SLC22A25: variants seen among roughly 807,000 people sequenced by gnomAD.
SLC22A25 encodes the protein solute carrier family 22 member 25.
Under a neutral mutation model 45.9 loss-of-function variants are expected in SLC22A25, and 44 were observed. The ratio of observed to expected loss-of-function variants is 0.96; its 90% CI spans 0.75 to 1.23. The LOEUF (loss-of-function observed/expected upper bound fraction) is 1.23. SLC22A25 is among the 50% of genes most tolerant of loss of function. The pLI is 0.00. For missense variants in SLC22A25, 800 were observed against 666.4 expected (o/e 1.20, Z -2.21); for synonymous variants, 283 against 238.6 (o/e 1.19, Z -1.72).
chr11:63,214,664 G>A (rs2089664491), intron 7 of SLC22A25, among the ~76,000 whole-genome samples: 2 of 152,102 alleles, frequency 1.3e-5, no homozygotes, highest in South Asian at 2.1e-4. Context: ...ATGATGTAAT[G>A]CATGTCTCAA....
chr11:63,212,241 A>AT (rs149028551), intron 7 of SLC22A25, among the ~76,000 whole-genome samples: 150,102 of 150,518 alleles, frequency 1, 74,846 homozygotes, highest in Middle Eastern at 1. Flanking sequence ...TAGTTCAACC[A>AT]TGTGGAAGAC....
chr11:63,223,952 T>G (rs2089905334), intron 5 of SLC22A25, among the ~76,000 whole-genome samples: 1 of 152,088 alleles, frequency 6.6e-6, no homozygotes, highest in African/African-American at 2.4e-5. Flanking sequence ...TTTCTGTTAT[T>G]CCAGTGTGGT....
intron 7 of SLC22A25, among the ~76,000 whole-genome samples, chr11:63,189,106 C>T (rs868299565): frequency 1.3e-5 from 2 of 152,116 alleles, no homozygotes; most frequent in African/African-American, 2.4e-5. Context: ...TCCTTGTTAA[C>T]TTTCTGTCTC....
In SLC22A25 at chr11:63,243,505, C is replaced by T. The variant is rs1483376749; in HGVS notation, c.-1067G>A. On this transcript the variant is annotated 5_prime_UTR_variant, in exon 1 of 12. Coordinates refer to ENST00000306494, the MANE Select transcript of SLC22A25 (RefSeq NM_199352.6). ...AACTCCTGGGTGCTGTCTGCATGTT[C>T]CTGGCCTCCAGGCTCAAAGAGTCCA... is the stretch of plus-strand genomic sequence containing the variant. 2.1e-5 allele frequency: 16 copies of T among 762,558 alleles called. No individual in the cohort carries two copies. Among genetic ancestry groups the T allele is most frequent in the Admixed American group, 8.7e-5 (5 of 57,598 alleles). The allele number at this position is 762,558 out of a possible 1,614,324, so 47.2% of individuals were successfully genotyped here.
intron 1 of SLC22A25, among the ~76,000 whole-genome samples, chr11:63,240,798 G>A (rs529482391): frequency 3.8e-4 from 58 of 152,258 alleles, no homozygotes; most frequent in African/African-American, 1.4e-3. Context: ...GCAGTAACAT[G>A]CATGGGGTTG....
At chr11:63,222,682 C>T (rs952942852) in intron 5 of SLC22A25, among the ~76,000 whole-genome samples, 1 of 152,014 alleles carries the variant, frequency 6.6e-6, no homozygotes, top group Non-Finnish European at 1.5e-5. Context: ...TGAATGTGGG[C>T]ATCCTTGTTG....
At chr11:63,236,613 TG>T (rs760084966) in intron 3 of SLC22A25, among the ~76,000 whole-genome samples, 12 of 152,168 alleles carry the variant, frequency 7.9e-5, no homozygotes, top group Non-Finnish European at 1.5e-4. Context: ...TGCCTCACCC[TG>T]CTTTGGCTCA....
chr11:63,174,323 G>A (rs770667818), intron 9 of SLC22A25, among the ~76,000 whole-genome samples: 1 of 152,096 alleles, frequency 6.6e-6, no homozygotes, highest in Non-Finnish European at 1.5e-5. Flanking sequence ...CTCTAGGATA[G>A]CAATGAGAAC....
intron 9 of SLC22A25, chr11:63,167,402 G>C (rs1193634990): frequency 2.0e-5 from 3 of 152,346 alleles, no homozygotes; most frequent in African/African-American, 7.2e-5. Flanking sequence ...AGCCCAGCAA[G>C]CTAAGAACCA....
chr11:63,243,510 C>G lies in SLC22A25; in HGVS notation c.-1072G>C. On this transcript the variant is annotated 5_prime_UTR_variant, in exon 1 of 12. Coordinates refer to ENST00000306494, the MANE Select transcript of SLC22A25 (RefSeq NM_199352.6). Reference sequence around the variant, plus strand: ...CTGGGTGCTGTCTGCATGTTCCTGGCCTCCAGGCTCAAAGAGTCCAGCCCA... The same window carrying G: ...CTGGGTGCTGTCTGCATGTTCCTGGGCTCCAGGCTCAAAGAGTCCAGCCCA... 1.3e-6 allele frequency: 1 copy of G among 761,824 alleles called. No individual in the cohort carries two copies. The highest frequency in any genetic ancestry group is 1.4e-5 in the South Asian group (1 of 73,704). 47.2% of individuals were successfully genotyped at this position (761,824 alleles called of 1,614,324 possible).
At chr11:63,226,067 A>AT (rs756974709) in intron 5 of SLC22A25, among the ~76,000 whole-genome samples, 2 of 151,590 alleles carry the variant, frequency 1.3e-5, no homozygotes, top group Non-Finnish European at 2.9e-5. Context: ...GAATTTCTTC[A>AT]TTTTTTCTCA....
Position 63,163,796 on chromosome 11 carries a change from A to T in SLC22A25, c.*28T>A, listed in dbSNP as rs372461280. ...CCTTTTTGGGGGATGGTAGCCCTAAATGGTGTTTTGCTTTCCTCAGCACAG... is the reference window on the plus strand; with the variant it reads ...CCTTTTTGGGGGATGGTAGCCCTAATTGGTGTTTTGCTTTCCTCAGCACAG... On this transcript the variant is annotated 3_prime_UTR_variant, in exon 12 of 12. Coordinates refer to ENST00000306494, the MANE Select transcript of SLC22A25 (RefSeq NM_199352.6). 8.2e-6 allele frequency: 13 copies of T among 1,583,526 alleles called. No homozygotes were observed. The highest frequency in any genetic ancestry group is 8.6e-6 in the Non-Finnish European group (10 of 1,166,594).
chr11:63,194,938 C>G (rs1450041843), intron 7 of SLC22A25, among the ~76,000 whole-genome samples: 1,212 of 68,378 alleles, frequency 0.018, 32 homozygotes, highest in African/African-American at 0.06. Context: ...AAAAAAAAAG[C>G]AGGGGTTGCA....
At chr11:63,180,159 C>A (rs373672819) in intron 9 of SLC22A25, among the ~76,000 whole-genome samples, 1 of 152,064 alleles carries the variant, frequency 6.6e-6, no homozygotes, top group Non-Finnish European at 1.5e-5. Context: ...TATTTTTGTC[C>A]AGTCATTATT....
rs565538593 is a variant in SLC22A25 at position 63,237,382 on chromosome 11, G to T, written c.-445+499C>A. 4.3e-4 allele frequency among the ~76,000 whole-genome samples: 66 copies of T among 152,276 alleles called. 1 individual carries two copies. Among genetic ancestry groups the T allele is most frequent in the African/African-American group, 1.6e-3 (65 of 41,540 alleles). On this transcript the variant is annotated intron_variant, in intron 3 of 11. Coordinates refer to ENST00000306494, the MANE Select transcript of SLC22A25 (RefSeq NM_199352.6). ...GTTCATGTGGATATCGCGGAGGTGGGTTATTGCAGGAGGGGATCCTGATGA... is the reference window on the plus strand; with the variant it reads ...GTTCATGTGGATATCGCGGAGGTGGTTTATTGCAGGAGGGGATCCTGATGA...
chr11:63,241,062 C>A (rs2090240264), intron 1 of SLC22A25, among the ~76,000 whole-genome samples: 1 of 152,172 alleles, frequency 6.6e-6, no homozygotes, highest in Non-Finnish European at 1.5e-5. Flanking sequence ...TGTTTAACTG[C>A]AGGCACATGA....
intron 7 of SLC22A25, among the ~76,000 whole-genome samples, chr11:63,191,572 C>A (rs2088817491): frequency 6.6e-6 from 1 of 152,124 alleles, no homozygotes. Context: ...CTGTCTGACA[C>A]TCCCCATTGA....
chr11:63,238,375 C>T (rs1444366868), intron 2 of SLC22A25, among the ~76,000 whole-genome samples: 1 of 135,788 alleles, frequency 7.4e-6, no homozygotes, highest in African/African-American at 3.1e-5. Context: ...ACAGTCTGGG[C>T]ATGGGGGTTT....
intron 8 of SLC22A25, 32 bp downstream of exon 8, chr11:63,183,662 A>AGCATCCCAT (rs1390581265): frequency 1.2e-6 from 2 of 1,611,370 alleles, no homozygotes; most frequent in African/African-American, 2.7e-5. Context: ...ATGTCTTCCC[A>AGCATCCCAT]GCATCCCATA....
Sources: gnomAD v4.1 joint callset for allele counts (sites outside exome capture counted in the v4.1 genomes callset) on GRCh38, gnomAD v4.1.1 for gene constraint, MANE v1.5 for transcripts, NCBI Gene and HGNC (gene_info 2026-07-23, HGNC 2026-07-21) for gene names.